Variants in WDR20 observed in about 807,000 individuals in gnomAD.
WDR20 encodes WD repeat-containing protein 20.
WDR20 carries 3 observed loss-of-function variants against 38.7 expected under a neutral mutation model. The observed-to-expected ratio is 0.08, with a 90% CI of 0.04 to 0.20. WDR20 has a LOEUF of 0.20. Ranked by LOEUF, WDR20 falls within the 10% of genes least tolerant of loss-of-function variation. The pLI, the probability that WDR20 is intolerant of heterozygous loss-of-function variation, is 1.00. For missense variants in WDR20, 559 were observed against 727.7 expected (o/e 0.77, Z 2.67); for synonymous variants, 298 against 285.6 (o/e 1.04, Z -0.44).
At chr14:102,153,595 C>T (rs1378828541) in intron 1 of WDR20, among the ~76,000 whole-genome samples, 4 of 152,098 alleles carry the variant, frequency 2.6e-5, no homozygotes, top group East Asian at 1.9e-4. Context: ...CGTGAGCCAC[C>T]GCGCCCGGCC....
chr14:102,214,277 G>T, downstream of WDR20: 1 of 985,536 alleles, frequency 1.0e-6, no homozygotes, highest in Non-Finnish European at 1.2e-6. Flanking sequence ...CCTTCGCCAC[G>T]GGCTGATTGG....
upstream of WDR20, chr14:102,139,890 G>T: frequency 6.2e-7 from 1 of 1,601,770 alleles, no homozygotes; most frequent in Non-Finnish European, 8.5e-7. Flanking sequence ...GCGTGATCCG[G>T]GCACTTAGGG....
intron 1 of WDR20, among the ~76,000 whole-genome samples, chr14:102,140,491 G>A (rs1375986347): frequency 6.6e-6 from 1 of 152,174 alleles, no homozygotes; most frequent in African/African-American, 2.4e-5. Flanking sequence ...GAGCGGGCCT[G>A]CGAGTCCCCG....
chr14:102,210,571 C>G (rs1254155682), downstream of WDR20: 26 of 984,490 alleles, frequency 2.6e-5, no homozygotes, highest in Non-Finnish European at 2.8e-5. Context: ...ACTAAGATAC[C>G]CGTACCTCAC....
chr14:102,153,351 G>A (rs2056570583), intron 1 of WDR20, among the ~76,000 whole-genome samples: 2 of 140,108 alleles, frequency 1.4e-5, no homozygotes, highest in Admixed American at 8.0e-5. Context: ...CTGTCACCCA[G>A]GCTGGAGTGC....
intron 2 of WDR20, among the ~76,000 whole-genome samples, chr14:102,205,391 G>A (rs1160746901): frequency 6.6e-6 from 1 of 152,188 alleles, no homozygotes; most frequent in Non-Finnish European, 1.5e-5. Context: ...AAGACACTCT[G>A]GAGAGAGAAA....
chr14:102,163,449 G>A (rs903318115), intron 1 of WDR20, among the ~76,000 whole-genome samples: 6 of 152,064 alleles, frequency 3.9e-5, no homozygotes, highest in Admixed American at 2.0e-4. Context: ...CCAACATGGC[G>A]AAACCGTGTC....
chr14:102,189,786 TAAA>T (rs908836044), intron 1 of WDR20, among the ~76,000 whole-genome samples: 2 of 152,360 alleles, frequency 1.3e-5, no homozygotes, highest in Admixed American at 6.5e-5. Context: ...AAGTTCTCCT[TAAA>T]AGAGTTTTTA....
In WDR20 at chr14:102,208,497, G is replaced by A. The variant is rs1188422749; in HGVS notation, c.433-106G>A. On this transcript the variant is annotated intron_variant, in intron 2 of 2. Transcript: ENST00000342702. This position sits in a 1 kb window ranked among gnomAD's most constrained non-coding sequence, Gnocchi z 5.6. ...TGCAGGATAAAATGTGGAGGGCCTG[G>A]ATAGACTTGCCCCTTCCCATCGAGA... 2 of 1,431,576 alleles carry A rather than the reference G, an allele frequency of 1.4e-6. No homozygotes were observed. The highest frequency in any genetic ancestry group is 2.4e-5 in the East Asian group (1 of 41,840). 88.7% of individuals were successfully genotyped at this position (1,431,576 alleles called of 1,614,324 possible).
chr14:102,200,457 A>ATTTTTTTTTTTTT (rs746438768), intron 2 of WDR20, among the ~76,000 whole-genome samples: 8 of 111,026 alleles, frequency 7.2e-5, no homozygotes, highest in East Asian at 4.7e-4. Context: ...TACTTTTTAA[A>ATTTTTTTTTTTTT]TTTTTTTTTT....
intron 1 of WDR20, among the ~76,000 whole-genome samples, chr14:102,189,929 G>A (rs995399089): frequency 6.6e-6 from 1 of 152,210 alleles, no homozygotes; most frequent in Non-Finnish European, 1.5e-5. Flanking sequence ...CACAAAGAAT[G>A]GTTGGGAAAA....
chr14:102,190,517 C>T (rs1031031389), intron 1 of WDR20, among the ~76,000 whole-genome samples: 5 of 151,954 alleles, frequency 3.3e-5, no homozygotes. Context: ...CACTTGAACC[C>T]GGGAGGCAGA....
chr14:102,185,605 G>A (rs561771340), intron 1 of WDR20, among the ~76,000 whole-genome samples: 132 of 152,116 alleles, frequency 8.7e-4, no homozygotes, highest in Non-Finnish European at 1.7e-3. Flanking sequence ...TGTACTTACT[G>A]CGCAGGTTTG....
chr14:102,180,435 A>T (rs544484655), intron 1 of WDR20, among the ~76,000 whole-genome samples: 14 of 152,300 alleles, frequency 9.2e-5, no homozygotes, highest in African/African-American at 3.4e-4. Context: ...AGCTTTCTCT[A>T]TATAACATAT....
chr14:102,148,504 G>A (rs2054471169), intron 1 of WDR20, among the ~76,000 whole-genome samples: 1 of 150,158 alleles, frequency 6.7e-6, no homozygotes, highest in African/African-American at 2.5e-5. Context: ...TGTGCCACTG[G>A]ACTCCAGCCT....
chr14:102,205,261 A>AT (rs2061319779), intron 2 of WDR20, among the ~76,000 whole-genome samples: 1 of 112,844 alleles, frequency 8.9e-6, no homozygotes, highest in African/African-American at 4.8e-5. Context: ...ACCCTGTCTC[A>AT]AAAAAAAAAA....
intron 2 of WDR20, among the ~76,000 whole-genome samples, chr14:102,199,481 A>G (rs2059950707): frequency 6.6e-6 from 1 of 152,154 alleles, no homozygotes. Flanking sequence ...ACAAGCAGGT[A>G]GGAGCATGGC....
intron 1 of WDR20, chr14:102,167,668 TC>T (rs1421565449): frequency 6.6e-6 from 1 of 152,216 alleles, no homozygotes; most frequent in Admixed American, 6.5e-5. Flanking sequence ...TCAGACTAGA[TC>T]CGGTCTCCCT....
intron 1 of WDR20, among the ~76,000 whole-genome samples, chr14:102,173,998 C>T (rs1383213160): frequency 2.0e-5 from 3 of 149,868 alleles, no homozygotes; most frequent in East Asian, 2.0e-4. Flanking sequence ...GAGCTGAGAT[C>T]GCGCCATTGC....
Sources: gnomAD v4.1 joint callset for allele counts (sites outside exome capture counted in the v4.1 genomes callset) on GRCh38, gnomAD v4.1.1 for gene constraint, Gnocchi (gnomAD v3.1) non-coding constraint, MANE v1.5 for transcripts, NCBI Gene and HGNC (gene_info 2026-07-23, HGNC 2026-07-21) for gene names.